The following RIMS2 variants were observed in gnomAD, a reference collection of about 807,000 sequenced individuals.
RIMS2 encodes regulating synaptic membrane exocytosis protein 2.
In RIMS2, 59 loss-of-function variants were observed where a neutral mutation model predicts 174.4. That is an observed-to-expected ratio of 0.34 (90% CI 0.27 to 0.42). The LOEUF is 0.42. RIMS2 is among the 10% of genes least tolerant of loss of function. RIMS2 has a pLI of 1.00. For synonymous variants in RIMS2, 606 were observed against 572.5 expected, an observed-to-expected ratio of 1.06 and a Z score of -0.84; for missense variants, 1,620 against 1,666.3, an observed-to-expected ratio of 0.97 and a Z score of 0.48.
intron 16 of RIMS2, among the ~76,000 whole-genome samples, chr8:103,982,479 G>A (rs1596343689): frequency 1.5e-5 from 2 of 134,194 alleles, no homozygotes; most frequent in African/African-American, 3.0e-5. Context: ...AATGAATATT[G>A]ATGCAGAAAT....
At chr8:103,547,979 A>C (rs149911443) in intron 1 of RIMS2, among the ~76,000 whole-genome samples, 76 of 152,282 alleles carry the variant, frequency 5.0e-4, no homozygotes, top group African/African-American at 1.6e-3. Context: ...TGTATCCTGG[A>C]ACAGACCAAT....
chr8:104,126,293 G>T (rs1599472460), intron 19 of RIMS2, among the ~76,000 whole-genome samples: 1 of 152,048 alleles, frequency 6.6e-6, no homozygotes, highest in South Asian at 2.1e-4. Context: ...TTTTTTACTG[G>T]GTTCTCTTAC....
intron 14 of RIMS2, among the ~76,000 whole-genome samples, chr8:103,945,420 A>G (rs1414399895): frequency 6.6e-6 from 1 of 152,126 alleles, no homozygotes; most frequent in Non-Finnish European, 1.5e-5. Flanking sequence ...GAAAGGGAAT[A>G]CCCACCAAAT....
intron 15 of RIMS2, among the ~76,000 whole-genome samples, chr8:103,966,894 T>C (rs1302956136): frequency 6.6e-6 from 1 of 151,968 alleles, no homozygotes; most frequent in South Asian, 2.1e-4. Flanking sequence ...AAATATATTA[T>C]TGGGTTTTGC....
At chr8:103,501,136 G>C in intron 1 of RIMS2, 74 bp downstream of exon 1, 2 of 1,214,092 alleles carry the variant, frequency 1.6e-6, no homozygotes, top group South Asian at 2.1e-5. Context: ...GCGGCCGCCT[G>C]CGCGCCCCAG....
At chr8:104,243,516 C>T (rs908892398) in intron 19 of RIMS2, among the ~76,000 whole-genome samples, 1 of 152,118 alleles carries the variant, frequency 6.6e-6, no homozygotes, top group Non-Finnish European at 1.5e-5. Context: ...GAAACCCCAT[C>T]TCTACTAAAA....
intron 3 of RIMS2, among the ~76,000 whole-genome samples, chr8:103,783,110 C>T (rs1222120554): frequency 6.6e-6 from 1 of 152,114 alleles, no homozygotes; most frequent in African/African-American, 2.4e-5. Context: ...CTTCAAAGCT[C>T]CCTGGTTGTT....
At chr8:104,017,179 G>T (rs567056382) in intron 19 of RIMS2, among the ~76,000 whole-genome samples, 3 of 151,388 alleles carry the variant, frequency 2.0e-5, no homozygotes, top group African/African-American at 7.3e-5. Flanking sequence ...TTTAGAAATC[G>T]CAACTTCAGT....
chr8:104,189,399 G>A (rs2098985735), intron 19 of RIMS2, among the ~76,000 whole-genome samples: 1 of 151,748 alleles, frequency 6.6e-6, no homozygotes, highest in Admixed American at 6.6e-5. Context: ...CCAGGAATGG[G>A]ACAGAACTGC....
chr8:104,055,493 CTGA>C (rs1282313801), intron 19 of RIMS2, among the ~76,000 whole-genome samples: 1 of 152,102 alleles, frequency 6.6e-6, no homozygotes, highest in African/African-American at 2.4e-5. Context: ...ATGAATTTGG[CTGA>C]TATTTGTATC....
At chr8:103,726,552 A>G (rs1257511097) in intron 2 of RIMS2, among the ~76,000 whole-genome samples, 2 of 151,890 alleles carry the variant, frequency 1.3e-5, no homozygotes, top group East Asian at 1.9e-4. Flanking sequence ...AATAGGCCAT[A>G]TAGGTGTTTT....
intron 3 of RIMS2, among the ~76,000 whole-genome samples, chr8:103,782,586 C>G (rs2098402273): frequency 2.0e-5 from 3 of 152,008 alleles, no homozygotes. Context: ...ATATGACCCA[C>G]TAGAAAGGAT....
At chr8:103,701,737 C>A (rs2097170277) in intron 2 of RIMS2, among the ~76,000 whole-genome samples, 1 of 152,038 alleles carries the variant, frequency 6.6e-6, no homozygotes, top group Admixed American at 6.6e-5. Flanking sequence ...CGTCCAATTC[C>A]ATCCATGTCA....
At chr8:104,118,227 T>C (rs1465414175) in intron 19 of RIMS2, among the ~76,000 whole-genome samples, 1 of 152,122 alleles carries the variant, frequency 6.6e-6, no homozygotes, top group Non-Finnish European at 1.5e-5. Context: ...ATATTCTTAT[T>C]ACATAAAGGA....
intron 19 of RIMS2, among the ~76,000 whole-genome samples, chr8:104,119,365 CA>C (rs201714745): frequency 6.7e-6 from 1 of 149,012 alleles, no homozygotes; most frequent in African/African-American, 2.5e-5. Context: ...ATCTCAAAAA[CA>C]AAAAAAACAA....
chr8:103,509,564 A>G (rs1341304882), intron 1 of RIMS2, among the ~76,000 whole-genome samples: 1 of 152,116 alleles, frequency 6.6e-6, no homozygotes, highest in Non-Finnish European at 1.5e-5. Context: ...GTTGGTGAAG[A>G]TTCTGTGCAT....
intron 2 of RIMS2, among the ~76,000 whole-genome samples, chr8:103,725,468 T>C (rs1023947706): frequency 1.3e-5 from 2 of 152,256 alleles, no homozygotes; most frequent in African/African-American, 4.8e-5. Flanking sequence ...TTGAACATCA[T>C]ATAAATGAAA....
intron 1 of RIMS2, among the ~76,000 whole-genome samples, chr8:103,528,906 T>C (rs1835478323): frequency 6.6e-6 from 1 of 152,186 alleles, no homozygotes; most frequent in Non-Finnish European, 1.5e-5. Context: ...ATCTTTAAAG[T>C]AGTTTTTTCC....
chr8:103,654,883 C>T (rs1000013932), intron 1 of RIMS2, among the ~76,000 whole-genome samples: 5 of 151,768 alleles, frequency 3.3e-5, no homozygotes, highest in South Asian at 2.1e-4. Context: ...AGTAGAATAA[C>T]GAAATATTCT....
Sources: allele counts gnomAD v4.1 joint callset (sites outside exome capture counted in the v4.1 genomes callset), GRCh38; gene constraint gnomAD v4.1.1; transcripts MANE v1.5; gene names NCBI Gene and HGNC (gene_info 2026-07-23, HGNC 2026-07-21).